The following TASP1 variants were observed in gnomAD, a reference collection of about 807,000 sequenced individuals.
TASP1 encodes the protein taspase 1.
In TASP1, 16 loss-of-function variants were observed where a neutral mutation model predicts 56.6. The ratio of observed to expected loss-of-function variants is 0.28; its 90% confidence interval spans 0.19 to 0.43. TASP1 has a LOEUF of 0.43. TASP1 is among the 20% of genes least tolerant of loss of function. TASP1 has a pLI of 1.00. For synonymous variants in TASP1, 179 were observed against 184.2 expected (o/e 0.97, Z 0.23); for missense variants, 393 against 511.6 (o/e 0.77, Z 2.24).
chr20:13,507,956 G>T (rs1285540129), intron 10 of TASP1, among the ~76,000 whole-genome samples: 1 of 152,084 alleles, frequency 6.6e-6, no homozygotes, highest in Non-Finnish European at 1.5e-5. Flanking sequence ...CTTTGACAAA[G>T]GCAATAAAAC....
At chr20:13,475,873 G>A (rs966019871) in intron 11 of TASP1, among the ~76,000 whole-genome samples, 2 of 151,720 alleles carry the variant, frequency 1.3e-5, no homozygotes, top group Admixed American at 1.3e-4. Flanking sequence ...TCCAGCCTGG[G>A]TGACAGAGCA....
At chr20:13,197,282 C>T in the TASP1 span, among the ~76,000 whole-genome samples, 2 of 152,152 alleles carry the variant, frequency 1.3e-5, no homozygotes, top group African/African-American at 2.4e-5. Context: ...ACCTAGCTCA[C>T]GAGAGGATTT....
downstream of TASP1, among the ~76,000 whole-genome samples, chr20:13,387,460 A>T (rs563624914): frequency 6.7e-4 from 102 of 152,196 alleles, no homozygotes; most frequent in African/African-American, 2.3e-3. Context: ...AAGTGCTGGG[A>T]TTACAGGTGT....
chr20:13,559,234 G>T (rs1391270338), intron 7 of TASP1, 120 bp from the exon 8 acceptor site: 2 of 535,964 alleles, frequency 3.7e-6, no homozygotes, highest in Non-Finnish European at 6.1e-6. Flanking sequence ...TAAATTAAGG[G>T]TTTAAAAAGT....
At chr20:13,360,420 A>G in the TASP1 span, among the ~76,000 whole-genome samples, 1 of 152,010 alleles carries the variant, frequency 6.6e-6, no homozygotes, top group Non-Finnish European at 1.5e-5. Flanking sequence ...CTCCCTGCCA[A>G]TCGTGTCCAA....
At chr20:13,485,646 A>G (rs550847953) in intron 10 of TASP1, among the ~76,000 whole-genome samples, 1 of 152,342 alleles carries the variant, frequency 6.6e-6, no homozygotes, top group East Asian at 1.9e-4. Flanking sequence ...TTCCCTATTC[A>G]GTAAATTTTT....
the TASP1 span, among the ~76,000 whole-genome samples, chr20:13,276,455 A>G: frequency 3.6e-3 from 551 of 152,344 alleles, 1 homozygote; most frequent in Non-Finnish European, 4.9e-3. Flanking sequence ...TTCCTAAGAC[A>G]GAATTATCGA....
chr20:13,307,714 T>C, the TASP1 span, among the ~76,000 whole-genome samples: 3 of 152,222 alleles, frequency 2.0e-5, no homozygotes, highest in African/African-American at 7.2e-5. Context: ...GTCTGGCATA[T>C]TTTGCTCAAT....
chr20:13,115,075 C>G, the TASP1 span, among the ~76,000 whole-genome samples: 1 of 152,164 alleles, frequency 6.6e-6, no homozygotes, highest in Non-Finnish European at 1.5e-5. Context: ...AAGAAAAACA[C>G]AACCTTCCAT....
chr20:13,384,326 G>A, the TASP1 span, among the ~76,000 whole-genome samples: 3 of 152,188 alleles, frequency 2.0e-5, no homozygotes, highest in Admixed American at 1.3e-4. Context: ...CCATGTAAAG[G>A]AGAAACCACT....
chr20:13,164,722 A>G, the TASP1 span: 7 of 1,566,180 alleles, frequency 4.5e-6, no homozygotes, highest in Non-Finnish European at 6.1e-6. Context: ...TAGGTGTTCA[A>G]TGATAGCTAT....
chr20:13,466,694 T>C (rs2044271939), intron 11 of TASP1, among the ~76,000 whole-genome samples: 1 of 152,162 alleles, frequency 6.6e-6, no homozygotes, highest in Non-Finnish European at 1.5e-5. Context: ...TGAGCTAAGA[T>C]GGTACCACTG....
At chr20:13,444,709 C>A (rs560305753) in intron 11 of TASP1, among the ~76,000 whole-genome samples, 64 of 152,196 alleles carry the variant, frequency 4.2e-4, no homozygotes, top group African/African-American at 1.5e-3. Context: ...GCTGCTCCTA[C>A]AAAAATCCCA....
intron 4 of TASP1, among the ~76,000 whole-genome samples, chr20:13,596,734 G>A (rs1219899747): frequency 6.6e-6 from 1 of 152,162 alleles, no homozygotes; most frequent in Non-Finnish European, 1.5e-5. Context: ...CAAAATCAAT[G>A]AATCCAGGAG....
the TASP1 span, among the ~76,000 whole-genome samples, chr20:13,296,960 G>A: frequency 6.6e-6 from 1 of 152,128 alleles, no homozygotes; most frequent in Non-Finnish European, 1.5e-5. Context: ...AGAGGTTGCA[G>A]TGAGCTGAGA....
At chr20:13,473,160 A>G (rs1432066764) in intron 11 of TASP1, among the ~76,000 whole-genome samples, 1 of 152,172 alleles carries the variant, frequency 6.6e-6, no homozygotes, top group African/African-American at 2.4e-5. Flanking sequence ...TGCAGCCATA[A>G]AAAAGGATGA....
At chr20:13,307,797 G>A in the TASP1 span, among the ~76,000 whole-genome samples, 1 of 152,192 alleles carries the variant, frequency 6.6e-6, no homozygotes, top group South Asian at 2.1e-4. Flanking sequence ...TTTCCAATGT[G>A]TGAATATATC....
the TASP1 span, among the ~76,000 whole-genome samples, chr20:13,331,293 A>C: frequency 6.6e-6 from 1 of 152,146 alleles, no homozygotes; most frequent in Non-Finnish European, 1.5e-5. Flanking sequence ...GTTCTAAGAC[A>C]TTTTACGTAA....
At chr20:13,261,113 C>T in the TASP1 span, among the ~76,000 whole-genome samples, 1 of 152,124 alleles carries the variant, frequency 6.6e-6, no homozygotes, top group Non-Finnish European at 1.5e-5. Context: ...CCTTTGGCCG[C>T]AGTAAGAAGC....
Sources: gnomAD v4.1 joint callset for allele counts (sites outside exome capture counted in the v4.1 genomes callset) on GRCh38, gnomAD v4.1.1 for gene constraint, MANE v1.5 for transcripts, NCBI Gene and HGNC (gene_info 2026-07-23, HGNC 2026-07-21) for gene names.